SPNS2: variants seen among roughly 807,000 people sequenced by gnomAD.
SPNS2 encodes SPNS lysolipid transporter 2, sphingosine-1-phosphate.
A neutral mutation model predicts 57.6 loss-of-function variants in SPNS2; 37 were observed. That is an observed-to-expected ratio of 0.64 (90% confidence interval 0.49 to 0.85). The LOEUF is 0.85. Ranked by LOEUF, SPNS2 falls within the 40% of genes least tolerant of loss-of-function variation. SPNS2 has a pLI of 0.00. For synonymous variants in SPNS2, 440 were observed against 346.9 expected (o/e 1.27, Z -2.98); for missense variants, 831 against 779.1 (o/e 1.07, Z -0.79).
rs1904862229 is a variant in SPNS2 at position 4,512,633 on chromosome 17, T to TGTGTGTGTGTGCGTGCGCGCGCACGG, written c.371-611_371-586dup. Among the ~76,000 whole-genome samples, 2 of 148,888 alleles carry TGTGTGTGTGTGCGTGCGCGCGCACGG rather than the reference T, an allele frequency of 1.3e-5. No homozygotes were observed. The highest frequency in any genetic ancestry group is 3.0e-5 in the Non-Finnish European group (2 of 67,608). On this transcript the variant is annotated intron_variant, in intron 1 of 12. Coordinates refer to ENST00000329078, the MANE Select transcript of SPNS2 (RefSeq NM_001124758.3). This position sits in a 1 kb window ranked among gnomAD's most constrained non-coding sequence, Gnocchi z 5.2. ...ATCCTGAGGGCAGCTGGGGTGACAG[T>TGTGTGTGTGTGCGTGCGCGCGCACGG]GTGTGTGTGTGCGTGCGCGCGCACG...
At chr17:4,533,602 GCCTCTGGGTGCCTC>G in intron 8 of SPNS2, 170 bp downstream of exon 8, 1 of 981,702 alleles carries the variant, frequency 1.0e-6, no homozygotes, top group Non-Finnish European at 1.5e-6. Context: ...CCTGTCCAGG[GCCTCTGGGTGCCTC>G]AGGGCCGTGG....
At chr17:4,533,542 G>A (rs1037175951) in intron 8 of SPNS2, 110 bp downstream of exon 8, 3 of 1,254,524 alleles carry the variant, frequency 2.4e-6, no homozygotes, top group Non-Finnish European at 2.2e-6. Context: ...CCTCGGGGAG[G>A]CTCCTATTCT....
chr17:4,521,793 T>C (rs1238346334), intron 2 of SPNS2, among the ~76,000 whole-genome samples: 1 of 152,254 alleles, frequency 6.6e-6, no homozygotes, highest in Admixed American at 6.5e-5. Context: ...TCTATTTGTG[T>C]GGTAGAAACA....
rs1224586450 is a variant in SPNS2 at position 4,533,519 on chromosome 17, G to C, written c.1278+87G>C. On this transcript the variant is annotated intron_variant, in intron 8 of 12. Transcript: ENST00000329078. Reference sequence around the variant, plus strand: ...AACAGGACATTCGGTCTGACTTACTGGATGTTCCCTTCCCTCGGGGAGGCT... The same window carrying C: ...AACAGGACATTCGGTCTGACTTACTCGATGTTCCCTTCCCTCGGGGAGGCT... The C allele has an allele frequency of 4.3e-6, 6 of 1,386,916 alleles. No homozygotes were observed. In the East Asian group the frequency reaches 9.4e-5, roughly 22 times the overall value. 85.9% of individuals were successfully genotyped at this position (1,386,916 alleles called of 1,614,324 possible).
intron 1 of SPNS2, among the ~76,000 whole-genome samples, chr17:4,503,139 G>A (rs1904575351): frequency 6.6e-6 from 1 of 152,214 alleles, no homozygotes; most frequent in Non-Finnish European, 1.5e-5. Context: ...AGAGAACAAA[G>A]ACACTTACCC....
intron 9 of SPNS2, chr17:4,534,389 G>GGAGCTAGGAGTT (rs1322571676): frequency 5.6e-6 from 1 of 179,978 alleles, no homozygotes; most frequent in Non-Finnish European, 1.2e-5. Flanking sequence ...AGCCAGGAGT[G>GGAGCTAGGAGTT]GAGCTAGGAG....
intron 11 of SPNS2, 112 bp downstream of exon 11, chr17:4,536,538 C>T: frequency 7.8e-7 from 1 of 1,282,742 alleles, no homozygotes; most frequent in East Asian, 2.5e-5. Context: ...CTCCCATGCA[C>T]TCAGTGCACC....
At position 4,499,666 on chromosome 17, in the gene SPNS2, G is replaced by A; in HGVS notation, c.370+249G>A. ...TAGAGGAGTCCCCACCCCTGGAGCA[G>A]CCCGCGCGTCCTCTCCAGCCCTTGA... On this transcript the variant is annotated intron_variant, in intron 1 of 12. Coordinates refer to ENST00000329078, the MANE Select transcript of SPNS2 (RefSeq NM_001124758.3). The surrounding 1 kb of genome is among the most constrained non-coding windows in gnomAD (Gnocchi z 5.2). 1 of 354,014 alleles carries A rather than the reference G, an allele frequency of 2.8e-6. No homozygotes were observed. Among genetic ancestry groups the A allele is most frequent in the Non-Finnish European group, 5.1e-6 (1 of 197,202 alleles). 21.9% of individuals were successfully genotyped at this position (354,014 alleles called of 1,614,324 possible).
At chr17:4,509,022 G>A (rs1904756988) in intron 1 of SPNS2, among the ~76,000 whole-genome samples, 1 of 152,208 alleles carries the variant, frequency 6.6e-6, no homozygotes, top group Non-Finnish European at 1.5e-5. Flanking sequence ...GGAGGAGGCT[G>A]GACGATAAAG....
At chr17:4,529,955 C>T (rs1243509358) in intron 3 of SPNS2, among the ~76,000 whole-genome samples, 1 of 152,134 alleles carries the variant, frequency 6.6e-6, no homozygotes, top group African/African-American at 2.4e-5. Context: ...AGATGGGTGG[C>T]CAGGGTGGGG....
Position 4,511,280 on chromosome 17 carries a change from C to T in SPNS2, c.371-1967C>T, listed in dbSNP as rs1273454646. Among the ~76,000 whole-genome samples, 2 of 152,156 alleles carry T rather than the reference C, an allele frequency of 1.3e-5. No individual in the cohort carries two copies. Among genetic ancestry groups the T allele is most frequent in the South Asian group, 2.1e-4 (1 of 4,826 alleles). On this transcript the variant is annotated intron_variant, in intron 1 of 12. Transcript: ENST00000329078. This position sits in a 1 kb window ranked among gnomAD's most constrained non-coding sequence, Gnocchi z 4.6. ...AGGGGAGATATTCCAGAACAGGAGG[C>T]ATCTGAACTGGCCTTGAAGAAGTGG...
At chr17:4,523,394 C>G (rs544382704) in intron 2 of SPNS2, among the ~76,000 whole-genome samples, 1 of 152,196 alleles carries the variant, frequency 6.6e-6, no homozygotes, top group Admixed American at 6.5e-5. Context: ...GCGGAAATCG[C>G]ACCACTGCAC....
intron 8 of SPNS2, 174 bp from the exon 9 acceptor site, chr17:4,533,614 C>G: frequency 1.0e-6 from 1 of 1,005,008 alleles, no homozygotes; most frequent in Non-Finnish European, 1.5e-6. Flanking sequence ...CTCTGGGTGC[C>G]TCAGGGCCGT....
intron 6 of SPNS2, 33 bp from the exon 7 acceptor site, chr17:4,532,944 T>C (rs369174218): frequency 2.5e-6 from 4 of 1,592,788 alleles, no homozygotes; most frequent in Non-Finnish European, 3.4e-6. Context: ...AGGAGGTCCC[T>C]GAGCTCAGTG....
chr17:4,533,207 C>T (rs757707153), intron 7 of SPNS2, 36 bp from the exon 8 acceptor site: 3 of 1,582,398 alleles, frequency 1.9e-6, no homozygotes, highest in Non-Finnish European at 2.6e-6. Flanking sequence ...CCCTGAGCCG[C>T]CTCAACTCGT....
intron 1 of SPNS2, among the ~76,000 whole-genome samples, chr17:4,506,079 C>T (rs1904669461): frequency 6.6e-6 from 1 of 152,120 alleles, no homozygotes. Context: ...TGCTTGCAGC[C>T]TTTTTGTGGG....
rs1197977760 is a variant in SPNS2, at chr17:4,536,280, C to T, written c.1461C>T (p.Arg487=). 7 of 1,612,410 alleles carry T rather than the reference C, an allele frequency of 4.3e-6. No homozygotes were observed. In the Admixed American group the frequency reaches 6.7e-5, roughly 15 times the overall value. The part of the protein sequence containing the change: ...YLIGFISDLI[R]QSTKDSPLWE... ...CCTCGCAGATCTCAGACCTGATCCG[C>T]CAGAGCACTAAGGACTCCCCGCTCT... The change falls in exon 11 of 13, where the codon CGC becomes CGT. Residue 487 remains arginine (R), a synonymous_variant. Transcript: ENST00000329078.
At chr17:4,513,352 T>A (rs759657715) in intron 2 of SPNS2, 40 bp downstream of exon 2, 1 of 1,608,530 alleles carries the variant, frequency 6.2e-7, no homozygotes, top group African/African-American at 1.3e-5. Flanking sequence ...CGCCCAGGCG[T>A]TGGCGTCGTG....
chr17:4,501,536 C>CCT (rs1198239207), intron 1 of SPNS2, among the ~76,000 whole-genome samples: 1 of 152,300 alleles, frequency 6.6e-6, no homozygotes, highest in East Asian at 1.9e-4. Context: ...TGCCTCCCTC[C>CCT]CTCTCCTGGC....
Sources: allele counts gnomAD v4.1 joint callset (sites outside exome capture counted in the v4.1 genomes callset), GRCh38; gene constraint gnomAD v4.1.1; non-coding constraint Gnocchi (gnomAD v3.1); transcripts MANE v1.5; gene names NCBI Gene and HGNC (gene_info 2026-07-23, HGNC 2026-07-21).